LIM2: variants seen among roughly 807,000 people sequenced by gnomAD.
The protein encoded by LIM2 is lens intrinsic membrane protein 2, also known as lens fiber membrane intrinsic protein.
A neutral mutation model predicts 19.0 loss-of-function variants in LIM2; 14 were observed. The ratio of observed to expected loss-of-function variants is 0.74; its 90% CI spans 0.49 to 1.15. The LOEUF (loss-of-function observed/expected upper bound fraction) is 1.15, where lower values mean the gene tolerates loss of function less well. Among genes scored for constraint, LIM2 ranks in the 50% most tolerant of loss-of-function variants. The probability of loss-of-function intolerance (pLI) is 0.00; values close to 1 mark genes in which losing one functional copy is unlikely to be tolerated. For missense variants in LIM2, 230 were observed against 243.5 expected (o/e 0.94, Z 0.37); for synonymous variants, 78 against 89.6 (o/e 0.87, Z 0.73).
chr19:51,383,293 C>T (rs1418164732), intron 2 of LIM2, among the ~76,000 whole-genome samples: 4 of 152,122 alleles, frequency 2.6e-5, no homozygotes, highest in Admixed American at 2.6e-4. Context: ...CCTTGGCCTC[C>T]CAAAGTGCTG....
At position 51,382,546 on chromosome 19, in the gene LIM2, G is replaced by C; in HGVS notation, c.197C>G (p.Ala66Gly). The C allele has an allele frequency of 6.2e-7, 1 of 1,613,696 alleles. No individual in the cohort carries two copies. The change falls in exon 3 of 5, where the codon GCC (alanine) becomes GGC (glycine). Residue 66 changes from alanine to glycine, a missense_variant. By Grantham distance (60) the Ala-to-Gly change is moderately conservative. Transcript: ENST00000596399. The stretch of plus-strand genomic sequence containing the variant: ...GCATAGGGCAGACAGGATCATGAAG[G>C]CCCGGGTGGCATTCCAGTATGCTGT... ...DSIAYWNATR[A>G]FMILSALCAI...
intron 2 of LIM2, among the ~76,000 whole-genome samples, chr19:51,383,225 G>A (rs1279033417): frequency 6.6e-6 from 1 of 151,750 alleles, no homozygotes; most frequent in Non-Finnish European, 1.5e-5. Flanking sequence ...AGTAGAGACG[G>A]CATTTTGCCA....
At chr19:51,381,046 C>T (rs367943002) in intron 3 of LIM2, among the ~76,000 whole-genome samples, 54 of 152,238 alleles carry the variant, frequency 3.5e-4, no homozygotes, top group African/African-American at 1.3e-3. Flanking sequence ...CACAGTGACT[C>T]ATGCGTGTCA....
intron 2 of LIM2, among the ~76,000 whole-genome samples, chr19:51,383,636 A>G (rs892617603): frequency 1.2e-4 from 18 of 152,312 alleles, no homozygotes; most frequent in African/African-American, 4.1e-4. Flanking sequence ...ACGGCTAACT[A>G]TATGCCAGGC....
intron 3 of LIM2, 120 bp from the exon 4 acceptor site, chr19:51,380,759 G>C: frequency 8.4e-7 from 1 of 1,187,170 alleles, no homozygotes; most frequent in Non-Finnish European, 1.2e-6. Context: ...GAAATGGGTT[G>C]GGGGTGGGGA....
chr19:51,384,865 CTTA>C (rs1481322323), intron 2 of LIM2, among the ~76,000 whole-genome samples: 1 of 151,796 alleles, frequency 6.6e-6, no homozygotes, highest in African/African-American at 2.4e-5. Context: ...TTTATTTTAT[CTTA>C]TTATTATTTT....
chr19:51,387,692 G>T (rs542314546), intron 1 of LIM2, among the ~76,000 whole-genome samples: 68 of 152,244 alleles, frequency 4.5e-4, no homozygotes, highest in African/African-American at 1.3e-3. Context: ...GGAAGAAAAG[G>T]CCGGGGGCCT....
intron 2 of LIM2, among the ~76,000 whole-genome samples, chr19:51,385,359 T>TA (rs199776329): frequency 0.016 from 2,473 of 152,004 alleles, 71 homozygotes; most frequent in African/African-American, 0.056. Context: ...CTGTCTCTAC[T>TA]AAAATACAAA....
Position 51,380,209 on chromosome 19 carries a change from G to C in LIM2, c.514C>G (p.Pro172Ala). The change falls in exon 5 of 5, where the codon CCC becomes GCC. Residue 172 changes from proline to alanine, a missense_variant. Physicochemically the swap from Pro to Ala is conservative, Grantham distance 27. Transcript: ENST00000596399. ...GGGGGACACATTTGGGCTCAGCGGG[G>C]TGTAGACAGGCGCCGGCATTCATGC... ...RVHECRRLSTPR is the reference protein window; with the variant it reads ...RVHECRRLSTAR 1 of 1,613,778 alleles carries C rather than the reference G, an allele frequency of 6.2e-7. No homozygotes were observed. The highest frequency in any genetic ancestry group is 8.5e-7 in the Non-Finnish European group (1 of 1,179,882).
intron 2 of LIM2, among the ~76,000 whole-genome samples, chr19:51,385,042 T>G (rs1363913123): frequency 6.6e-6 from 1 of 151,878 alleles, no homozygotes; most frequent in Non-Finnish European, 1.5e-5. Context: ...TTTTATTTTT[T>G]GTTGAGATGG....
rs552773690 is a variant in LIM2, at chr19:51,381,160, A to T, written c.326-521T>A. 1.3e-4 allele frequency among the ~76,000 whole-genome samples: 20 copies of T among 151,384 alleles called. 1 individual carries two copies. The highest frequency in any genetic ancestry group is 9.9e-4 in the Admixed American group (15 of 15,164). On this transcript the variant is annotated intron_variant, in intron 3 of 4. Coordinates refer to ENST00000596399, the MANE Select transcript of LIM2 (RefSeq NM_001161748.2). ...ACCCCGTCTCTACTAAAAATACAAT[A>T]AAAAAAAATTAGCTGGGTGTGGTGG...
At chr19:51,381,404 A>G (rs1358389241) in intron 3 of LIM2, among the ~76,000 whole-genome samples, 1 of 152,236 alleles carries the variant, frequency 6.6e-6, no homozygotes, top group Non-Finnish European at 1.5e-5. Context: ...CAGGGAAGAA[A>G]GGAAGTTGGA....
At chr19:51,381,418 T>C (rs1384402809) in intron 3 of LIM2, among the ~76,000 whole-genome samples, 4 of 152,216 alleles carry the variant, frequency 2.6e-5, no homozygotes, top group South Asian at 4.1e-4. Flanking sequence ...AGTTGGAAAC[T>C]GCATTCCATC....
intron 2 of LIM2, among the ~76,000 whole-genome samples, chr19:51,383,183 C>A (rs544002920): frequency 6.2e-4 from 94 of 151,896 alleles, no homozygotes; most frequent in Admixed American, 2.1e-3. Flanking sequence ...TACAGGTGCG[C>A]ACCACCATGC....
intron 2 of LIM2, among the ~76,000 whole-genome samples, chr19:51,385,103 C>T (rs1986999212): frequency 6.6e-6 from 1 of 151,872 alleles, no homozygotes; most frequent in African/African-American, 2.4e-5. Flanking sequence ...CTCAAGTGAT[C>T]CTCCTACCTC....
intron 2 of LIM2, chr19:51,387,039 G>A: frequency 1.3e-6 from 1 of 782,684 alleles, no homozygotes; most frequent in Middle Eastern, 2.3e-4. Context: ...GAAGCGTCAG[G>A]AAATGCCACC....
At chr19:51,380,448 C>G (rs1199044759) in intron 4 of LIM2, 57 bp downstream of exon 4, 1 of 1,611,984 alleles carries the variant, frequency 6.2e-7, no homozygotes, top group African/African-American at 1.3e-5. Flanking sequence ...ATCTTCCACT[C>G]TATCTGCTGC....
At chr19:51,383,196 G>A (rs923461843) in intron 2 of LIM2, among the ~76,000 whole-genome samples, 2 of 151,482 alleles carry the variant, frequency 1.3e-5, no homozygotes, top group South Asian at 2.1e-4. Context: ...CACCATGCCC[G>A]GATAATTTTT....
chr19:51,383,077 C>G (rs1392361526), intron 2 of LIM2, among the ~76,000 whole-genome samples: 1 of 142,712 alleles, frequency 7.0e-6, no homozygotes, highest in Non-Finnish European at 1.5e-5. Context: ...CTCTGCCACC[C>G]AGGCTGAAGT....
Sources: allele counts gnomAD v4.1 joint callset (sites outside exome capture counted in the v4.1 genomes callset), GRCh38; gene constraint gnomAD v4.1.1; transcripts MANE v1.5; gene names NCBI Gene and HGNC (gene_info 2026-07-23, HGNC 2026-07-21).